Variants in ATR observed in about 807,000 individuals in gnomAD.
ATR encodes ATR checkpoint kinase.
Under a neutral mutation model 305.3 loss-of-function variants are expected in ATR, and 142 were observed. The observed-to-expected ratio is 0.47, with a 90% CI of 0.41 to 0.53. The LOEUF is 0.53. ATR is among the 20% of genes least tolerant of loss of function. The probability of loss-of-function intolerance (pLI) is 0.00; values close to 1 mark genes in which losing one functional copy is unlikely to be tolerated. For missense variants in ATR, 2,135 were observed against 3,133.1 expected (o/e 0.68, Z 7.60); for synonymous variants, 1,050 against 1,068.1 (o/e 0.98, Z 0.33).
chr3:142,514,009 C>A (rs1467149548), intron 25 of ATR, among the ~76,000 whole-genome samples: 1 of 152,086 alleles, frequency 6.6e-6, no homozygotes, highest in East Asian at 1.9e-4. Flanking sequence ...GTGGCTCACG[C>A]CTGTAATCCC....
At chr3:142,539,937 A>AG (rs1284010917) in intron 18 of ATR, among the ~76,000 whole-genome samples, 2 of 152,206 alleles carry the variant, frequency 1.3e-5, no homozygotes, top group Non-Finnish European at 1.5e-5. Flanking sequence ...TTTATAATAA[A>AG]GGGATTCAGG....
rs2108265928 is a variant in ATR at position 142,461,994 on chromosome 3, C to A, written c.7138G>T (p.Val2380Leu). Residue 2380 changes from valine to leucine, a missense_variant, in exon 42 of 47, where the codon GTG becomes TTG. This residue lies in a region of ATR where 462 missense variants were observed against 887.6 expected (regional missense o/e 0.52). Coordinates refer to ENST00000350721, the MANE Select transcript of ATR (RefSeq NM_001184.4). ...LNDECGIIEW[V>L]NNTAGLRPIL... is the part of the protein sequence containing the mutation. Reference sequence around the variant, plus strand: ...GGTCTCAAACCAGCAGTGTTGTTCACCCATTCAATAATCCCACATTCATCA... The same window carrying A: ...GGTCTCAAACCAGCAGTGTTGTTCAACCATTCAATAATCCCACATTCATCA... 6.2e-7 allele frequency: 1 copy of A among 1,613,606 alleles called. No homozygotes were observed. Among genetic ancestry groups the A allele is most frequent in the Non-Finnish European group, 8.5e-7 (1 of 1,179,770 alleles).
At chr3:142,458,851 A>C in intron 44 of ATR, 107 bp downstream of exon 44, 1 of 1,307,604 alleles carries the variant, frequency 7.6e-7, no homozygotes, top group Non-Finnish European at 1.1e-6. Context: ...AGTATAACTC[A>C]ACTGTGAGTA....
intron 12 of ATR, 78 bp downstream of exon 12, chr3:142,553,562 C>T (rs2108463912): frequency 6.8e-7 from 1 of 1,467,198 alleles, no homozygotes; most frequent in Non-Finnish European, 9.4e-7. Context: ...TATCATATCA[C>T]CATTTTTAAC....
rs1368363804 is a variant in ATR at position 142,575,485 on chromosome 3, AAG to A, written c.59+3159_59+3160del. On this transcript the variant is annotated intron_variant, in intron 1 of 46. Transcript: ENST00000350721. Reference sequence around the variant, plus strand: ...CTCCGTCTCAAAAAAAAAAAAAAAAAAGCAGGCTCATTCCCACTTATGGGCCT... The same window carrying A: ...CTCCGTCTCAAAAAAAAAAAAAAAAACAGGCTCATTCCCACTTATGGGCCT... Among the ~76,000 whole-genome samples, 353 of 145,208 alleles carry A rather than the reference AAG, an allele frequency of 2.4e-3. 2 individuals carry two copies. Among genetic ancestry groups the A allele is most frequent in the African/African-American group, 8.4e-3 (336 of 40,114 alleles).
chr3:142,563,449 T>G (rs2034956903), intron 3 of ATR, among the ~76,000 whole-genome samples: 1 of 152,224 alleles, frequency 6.6e-6, no homozygotes, highest in Non-Finnish European at 1.5e-5. Flanking sequence ...TTATCGTATC[T>G]GTTATGGTGA....
chr3:142,509,179 A>T (rs926503298), intron 27 of ATR, among the ~76,000 whole-genome samples: 18 of 151,982 alleles, frequency 1.2e-4, no homozygotes, highest in African/African-American at 2.2e-4. Context: ...CTTACTTTTT[A>T]AAAAAAATTA....
Position 142,462,156 on chromosome 3 carries a change from A to G in ATR, c.7042-66T>C, listed in dbSNP as rs950962058. On this transcript the variant is annotated intron_variant, in intron 41 of 46. Coordinates refer to ENST00000350721, the MANE Select transcript of ATR (RefSeq NM_001184.4). ...TCAAAATTTCTAAATGTTATATCAA[A>G]TATATTTAAAGATTGTTCATTTCAT... 3.5e-6 allele frequency: 5 copies of G among 1,434,364 alleles called. No homozygotes were observed. The African/African-American group carries it at 7.1e-5, about 20-fold the overall frequency. 88.9% of individuals were successfully genotyped at this position (1,434,364 alleles called of 1,614,324 possible).
In ATR at chr3:142,499,728, G is replaced by C. The variant is rs760057658; in HGVS notation, c.5289-10C>G. On this transcript the variant is annotated splice_polypyrimidine_tract_variant and intron_variant, in intron 30 of 46. Transcript: ENST00000350721. ...ATCTGTCCACTCGGACCTATTAAAA[G>C]AAACCCATATCAACTAAACTTTAAT... The C allele has an allele frequency of 1.2e-6, 2 of 1,611,766 alleles. No individual in the cohort carries two copies. Among genetic ancestry groups the C allele is most frequent in the Non-Finnish European group, 1.7e-6 (2 of 1,177,964 alleles).
intron 36 of ATR, among the ~76,000 whole-genome samples, chr3:142,474,936 T>G (rs532175339): frequency 1.7e-4 from 26 of 152,142 alleles, no homozygotes; most frequent in Non-Finnish European, 2.9e-5. Context: ...TGTTTTTTTT[T>G]AAAAAGCCTC....
intron 18 of ATR, among the ~76,000 whole-genome samples, chr3:142,539,925 A>C (rs1292939424): frequency 6.6e-6 from 1 of 152,178 alleles, no homozygotes; most frequent in African/African-American, 2.4e-5. Context: ...TTAGTGGGGA[A>C]TTTTATAATA....
intron 2 of ATR, 22 bp downstream of exon 2, chr3:142,568,041 T>C (rs761723100): frequency 2.6e-6 from 4 of 1,542,460 alleles, no homozygotes; most frequent in Non-Finnish European, 3.5e-6. Flanking sequence ...AAAGTTTATA[T>C]AAGAAATAAT....
intron 1 of ATR, 30 bp from the exon 2 acceptor site, chr3:142,568,184 T>TTG: frequency 6.4e-7 from 1 of 1,556,792 alleles, no homozygotes; most frequent in Non-Finnish European, 8.9e-7. Context: ...CTTTTAATCC[T>TTG]TAAAGTGACT....
Position 142,468,048 on chromosome 3 carries a change from C to T in ATR, c.6573G>A (p.Val2191=), listed in dbSNP as rs370388187. The T allele has an allele frequency of 6.8e-6, 11 of 1,612,514 alleles. No homozygotes were observed. The highest frequency in any genetic ancestry group is 9.3e-6 in the Non-Finnish European group (11 of 1,179,396). Reference sequence around the variant, plus strand: ...TATTGAGGATTTCCTTGCATCTGTTCACACGCATGGGATAAGATGACTGTC... The same window carrying T: ...TATTGAGGATTTCCTTGCATCTGTTTACACGCATGGGATAAGATGACTGTC... ...AVSKSSYPMR[V]NRCKEILNKA... is the part of the protein sequence containing the mutation. The change falls in exon 39 of 47, where the codon GTG becomes GTA. Residue 2191 remains valine (V), a synonymous_variant. Coordinates refer to ENST00000350721, the MANE Select transcript of ATR (RefSeq NM_001184.4).
At position 142,507,928 on chromosome 3, in the gene ATR, G is replaced by C; in HGVS notation, c.5031+3C>G. 2 of 1,588,320 alleles carry C rather than the reference G, an allele frequency of 1.3e-6. No homozygotes were observed. The highest frequency in any genetic ancestry group is 1.7e-6 in the Non-Finnish European group (2 of 1,156,958). Reference sequence around the variant, plus strand: ...TATTAAATTCACTATATTAACTTCAGACCTGTAAAAATCCAAGATGTTCCT... The same window carrying C: ...TATTAAATTCACTATATTAACTTCACACCTGTAAAAATCCAAGATGTTCCT... On this transcript the variant is annotated splice_donor_region_variant and intron_variant, in intron 28 of 46. Coordinates refer to ENST00000350721, the MANE Select transcript of ATR (RefSeq NM_001184.4).
At position 142,567,979 on chromosome 3, in the gene ATR, A is replaced by G. The variant is rs902955914; in HGVS notation, c.151+84T>C. On this transcript the variant is annotated intron_variant, in intron 2 of 46. Coordinates refer to ENST00000350721, the MANE Select transcript of ATR (RefSeq NM_001184.4). ...ATAAATACTCCATATCTAAAACTAC[A>G]TGGAGAAAATGCTACTATAATTTAT... 3 of 1,128,138 alleles carry G rather than the reference A, an allele frequency of 2.7e-6. No homozygotes were observed. In the East Asian group the frequency reaches 7.8e-5, roughly 29 times the overall value. 69.9% of individuals were successfully genotyped at this position (1,128,138 alleles called of 1,614,324 possible). A position where few individuals can be genotyped will look rare whatever the true frequency, so the allele number is the denominator to read the frequency against.
At position 142,556,471 on chromosome 3, in the gene ATR, G is replaced by T. The variant is rs1287036671; in HGVS notation, c.1990C>A (p.His664Asn). The change falls in exon 9 of 47, where the codon CAT (histidine) becomes AAT (asparagine). Residue 664 changes from histidine to asparagine, a missense_variant. Physicochemically the swap from His to Asn is moderately conservative, Grantham distance 68. Around this residue, in one of 9 missense-constraint regions of ATR, gnomAD observed 744 missense variants for 873.2 expected, o/e 0.85. Coordinates refer to ENST00000350721, the MANE Select transcript of ATR (RefSeq NM_001184.4). ...AVYNWALQSS[H>N]EVIRASCVSG... ...ACACAACTAGCCCGGATTACTTCAT[G>T]GGAGCTCTGCAGGGCCCAGTTGTAA... is the stretch of plus-strand genomic sequence containing the variant. 1.2e-6 allele frequency: 2 copies of T among 1,614,072 alleles called. No homozygotes were observed. Among genetic ancestry groups the T allele is most frequent in the South Asian group, 1.1e-5 (1 of 91,076 alleles).
rs2108454819 is a variant in ATR at position 142,549,543 on chromosome 3, A to G, written c.3107T>C (p.Ile1036Thr). Reference protein sequence around the residue: ...REILINNFKYIFSHLVCSCSK... With the variant: ...REILINNFKYTFSHLVCSCSK... ...ACAAGAACAGACCAAATGAGAAAAA[A>G]TATATTTGAAGTTGTTTATTAAAAT... The change falls in exon 15 of 47, where the codon ATT becomes ACT. Residue 1036 changes from isoleucine to threonine, a missense_variant. Physicochemically the swap from Ile to Thr is moderately conservative, Grantham distance 89. This residue lies in a region of ATR where 530 missense variants were observed against 766.8 expected (regional missense o/e 0.69). Transcript: ENST00000350721. The G allele has an allele frequency of 6.2e-7, 1 of 1,611,714 alleles. No individual in the cohort carries two copies. Among genetic ancestry groups the G allele is most frequent in the Non-Finnish European group, 8.5e-7 (1 of 1,178,614 alleles).
At chr3:142,451,810 T>G in intron 46 of ATR, 1 of 1,267,926 alleles carries the variant, frequency 7.9e-7, no homozygotes, top group East Asian at 4.7e-5. Context: ...GATATGTATA[T>G]AGCTTGAGTG....
Sources: allele counts gnomAD v4.1 joint callset (sites outside exome capture counted in the v4.1 genomes callset), GRCh38; gene constraint gnomAD v4.1.1; regional missense constraint gnomAD v4.1.1; transcripts MANE v1.5; gene names NCBI Gene and HGNC (gene_info 2026-07-23, HGNC 2026-07-21).